CTIF: variants seen among roughly 807,000 people sequenced by gnomAD.
The protein encoded by CTIF is CBP80/20-dependent translation initiation factor.
In CTIF, 21 loss-of-function variants were observed where a neutral mutation model predicts 66.0. The ratio of observed to expected loss-of-function variants is 0.32; its 90% CI spans 0.23 to 0.46. The LOEUF (loss-of-function observed/expected upper bound fraction) is 0.46, where lower values mean the gene tolerates loss of function less well. Among genes scored for constraint, CTIF ranks in the 20% least tolerant of loss-of-function variants. The pLI is 1.00. For missense variants in CTIF, 739 were observed against 812.7 expected (o/e 0.91, Z 1.10); for synonymous variants, 345 against 326.4 (o/e 1.06, Z -0.62).
intron 1 of CTIF, among the ~76,000 whole-genome samples, chr18:48,600,847 C>A (rs562324280): frequency 6.6e-6 from 1 of 152,208 alleles, no homozygotes; most frequent in African/African-American, 2.4e-5. Flanking sequence ...CCCAGCCAGC[C>A]CTGAGTAGCC....
At position 48,757,937 on chromosome 18, in the gene CTIF, G is replaced by A. The variant is rs111264927; in HGVS notation, c.603G>A (p.Pro201=). Residue 201 remains proline, a synonymous_variant, in exon 8 of 12, where the codon CCG becomes CCA. Transcript: ENST00000256413. ...RNDRRRQQRP[P]GGNKPQQHGD... ...TTTGCAGGCGGCAGCAGAGACCTCCGGGGGGCAACAAGCCCCAACAGCATG... is the reference window on the plus strand; with the variant it reads ...TTTGCAGGCGGCAGCAGAGACCTCCAGGGGGCAACAAGCCCCAACAGCATG... The A allele has an allele frequency of 1.1e-4, 185 of 1,612,334 alleles. No homozygotes were observed. The highest frequency in any genetic ancestry group is 2.1e-4 in the African/African-American group (16 of 74,958).
chr18:48,600,771 A>T (rs996059510), intron 1 of CTIF, among the ~76,000 whole-genome samples: 1 of 152,036 alleles, frequency 6.6e-6, no homozygotes, highest in African/African-American at 2.4e-5. Context: ...ATAGTGCTGG[A>T]TGAGATAGAC....
intron 1 of CTIF, among the ~76,000 whole-genome samples, chr18:48,549,370 T>C (rs892960623): frequency 2.6e-5 from 4 of 152,168 alleles, no homozygotes; most frequent in Non-Finnish European, 4.4e-5. Context: ...ACCATCGGGC[T>C]TGTGGGATGT....
At chr18:48,594,388 C>A (rs1467455421) in intron 1 of CTIF, among the ~76,000 whole-genome samples, 1 of 149,510 alleles carries the variant, frequency 6.7e-6, no homozygotes, top group Non-Finnish European at 1.5e-5. Flanking sequence ...TTGCTCCAGG[C>A]CCCACAGTTG....
At chr18:48,557,443 G>T (rs1389794209) in intron 1 of CTIF, among the ~76,000 whole-genome samples, 1 of 152,174 alleles carries the variant, frequency 6.6e-6, no homozygotes, top group East Asian at 1.9e-4. Context: ...CTTCTTGAGG[G>T]CATGGCATGA....
In CTIF at chr18:48,667,363, T is replaced by C. The variant is rs549369358; in HGVS notation, c.431+2812T>C. On this transcript the variant is annotated intron_variant, in intron 5 of 11. Transcript: ENST00000256413. ...AAAAGGGGTTAGAAAGGAGAGCACTTTACAGGTTGAACCATCTGGGAAAGG... is the reference window on the plus strand; with the variant it reads ...AAAAGGGGTTAGAAAGGAGAGCACTCTACAGGTTGAACCATCTGGGAAAGG... Among the ~76,000 whole-genome samples the C allele has an allele frequency of 1.9e-4, 29 of 152,242 alleles. 1 individual carries two copies. The highest frequency in any genetic ancestry group is 7.0e-4 in the African/African-American group (29 of 41,532).
chr18:48,847,933 G>A lies in CTIF; in HGVS notation c.1528-9655G>A, dbSNP rs146408491. ...TAATTGGCCCTTTTCTTGATGACTC[G>A]TCATTACCATAGGCACAGTCCCTGG... On this transcript the variant is annotated intron_variant, in intron 10 of 11. Transcript: ENST00000256413. Among the ~76,000 whole-genome samples the A allele has an allele frequency of 6.1e-3, 923 of 152,226 alleles. 4 individuals are homozygous for A. The highest frequency in any genetic ancestry group is 9.2e-3 in the Non-Finnish European group (628 of 68,018).
At chr18:48,623,172 C>T (rs1439949694) in intron 2 of CTIF, among the ~76,000 whole-genome samples, 1 of 152,262 alleles carries the variant, frequency 6.6e-6, no homozygotes, top group Non-Finnish European at 1.5e-5. Context: ...GGCTTTCAGA[C>T]TGACGTCTGC....
At chr18:48,651,264 GAC>G (rs1353129770) in intron 3 of CTIF, among the ~76,000 whole-genome samples, 2 of 152,122 alleles carry the variant, frequency 1.3e-5, no homozygotes, top group Non-Finnish European at 2.9e-5. Context: ...CACGTGCAGA[GAC>G]ACACATATGC....
intron 1 of CTIF, among the ~76,000 whole-genome samples, chr18:48,602,792 T>A (rs976766822): frequency 1.1e-4 from 17 of 152,288 alleles, no homozygotes; most frequent in Non-Finnish European, 1.0e-4. Context: ...TATGGGTGGA[T>A]GGATGGGTGG....
At chr18:48,602,850 A>AATGGATGG (rs60224766) in intron 1 of CTIF, among the ~76,000 whole-genome samples, 3,486 of 142,618 alleles carry the variant, frequency 0.024, 118 homozygotes, top group African/African-American at 0.078. Flanking sequence ...TGGATGGATG[A>AATGGATGG]ATGGATGGAT....
intron 9 of CTIF, among the ~76,000 whole-genome samples, chr18:48,774,498 C>A (rs1207742164): frequency 6.6e-6 from 1 of 152,108 alleles, no homozygotes; most frequent in East Asian, 1.9e-4. Flanking sequence ...GAGGAACCTG[C>A]AGGGAACGAC....
intron 3 of CTIF, among the ~76,000 whole-genome samples, chr18:48,656,805 G>C (rs565842494): frequency 6.6e-6 from 1 of 152,150 alleles, no homozygotes; most frequent in Non-Finnish European, 1.5e-5. Context: ...TCAGCAACCG[G>C]GGGGGCAGGG....
At chr18:48,841,439 A>G (rs1350465514) in intron 10 of CTIF, among the ~76,000 whole-genome samples, 2 of 152,128 alleles carry the variant, frequency 1.3e-5, no homozygotes, top group Non-Finnish European at 2.9e-5. Flanking sequence ...CAGCTCCTCT[A>G]GGGAATTGAG....
In CTIF at chr18:48,761,423, C is replaced by CAGAACA. The variant is rs1458177650; in HGVS notation, c.1109_1114dup (p.Asn370_Lys371dup). ...GGCCGTGGAGACGACCACTCCCCAG[C>CAGAACA]AGAACAAGATGGACAAGCTGATCGA... On this transcript the variant is annotated inframe_insertion, in exon 9 of 12. Transcript: ENST00000256413. This position sits in a 1 kb window ranked among gnomAD's most constrained non-coding sequence, Gnocchi z 4.2. The CAGAACA allele has an allele frequency of 3.1e-6, 5 of 1,614,008 alleles. No homozygotes were observed. In the East Asian group the frequency reaches 1.1e-4, roughly 36 times the overall value.
chr18:48,562,396 C>T (rs1223561485), intron 1 of CTIF, among the ~76,000 whole-genome samples: 1 of 152,230 alleles, frequency 6.6e-6, no homozygotes, highest in Admixed American at 6.5e-5. Context: ...AGTTTGCCTT[C>T]TTATCCACTG....
chr18:48,827,916 A>G (rs1242779446), intron 10 of CTIF, among the ~76,000 whole-genome samples: 1 of 151,564 alleles, frequency 6.6e-6, no homozygotes, highest in Non-Finnish European at 1.5e-5. Flanking sequence ...CCAAACATAC[A>G]CACATAAACA....
rs116926023 is a variant in CTIF at position 48,546,588 on chromosome 18, G to A, written c.-29+7276G>A. On this transcript the variant is annotated intron_variant, in intron 1 of 11. Transcript: ENST00000256413. ...GAAATCCCCAGGGATCTCAGGCAGT[G>A]TGGACGGTGAGCTCCAGCTGAGGCT... is the stretch of plus-strand genomic sequence containing the variant. Among the ~76,000 whole-genome samples, 1,180 of 152,328 alleles carry A rather than the reference G, an allele frequency of 7.7e-3. 17 individuals carry two copies. The highest frequency in any genetic ancestry group is 0.012 in the Admixed American group (188 of 15,302).
chr18:48,857,505 G>A (rs1394875940), intron 10 of CTIF, 83 bp from the exon 11 acceptor site: 4 of 1,286,786 alleles, frequency 3.1e-6, no homozygotes, highest in Non-Finnish European at 4.3e-6. Flanking sequence ...GGGGCTGCAG[G>A]TCGGCGGGGG....
Sources: gnomAD v4.1 joint callset for allele counts (sites outside exome capture counted in the v4.1 genomes callset) on GRCh38, gnomAD v4.1.1 for gene constraint, Gnocchi (gnomAD v3.1) non-coding constraint, MANE v1.5 for transcripts, NCBI Gene and HGNC (gene_info 2026-07-23, HGNC 2026-07-21) for gene names.